KCNH7: variants seen among roughly 807,000 people sequenced by gnomAD.
KCNH7 encodes the protein potassium voltage-gated channel subfamily H member 7.
A neutral mutation model predicts 120.8 loss-of-function variants in KCNH7; 49 were observed. The observed-to-expected ratio is 0.41, with a 90% CI of 0.32 to 0.51. KCNH7 has a LOEUF of 0.51. Among genes scored for constraint, KCNH7 ranks in the 20% least tolerant of loss-of-function variants. The pLI, the probability that KCNH7 is intolerant of heterozygous loss-of-function variation, is 0.38. For missense variants in KCNH7, 1,097 were observed against 1,446.6 expected (o/e 0.76, Z 3.92); for synonymous variants, 547 against 516.1 (o/e 1.06, Z -0.81).
intron 2 of KCNH7, among the ~76,000 whole-genome samples, chr2:162,754,545 CAGG>C (rs1206136592): frequency 2.0e-5 from 3 of 152,018 alleles, no homozygotes; most frequent in African/African-American, 7.2e-5. Context: ...ATCCAGGTAG[CAGG>C]TAAAAAACCA....
At chr2:162,510,913 A>T (rs1177772678) in intron 5 of KCNH7, among the ~76,000 whole-genome samples, 1 of 151,680 alleles carries the variant, frequency 6.6e-6, no homozygotes, top group Non-Finnish European at 1.5e-5. Flanking sequence ...ATTTACATTA[A>T]ATTTAATTAA....
intron 2 of KCNH7, among the ~76,000 whole-genome samples, chr2:162,562,542 T>C (rs1487546095): frequency 1.3e-5 from 2 of 152,140 alleles, no homozygotes; most frequent in African/African-American, 4.8e-5. Flanking sequence ...TAGATATTCT[T>C]GCTGTTGACC....
At chr2:162,821,494 C>T (rs2105593389) in intron 2 of KCNH7, among the ~76,000 whole-genome samples, 1 of 152,276 alleles carries the variant, frequency 6.6e-6, no homozygotes, top group African/African-American at 2.4e-5. Context: ...CATTTTTAAA[C>T]TCACTGGTTT....
intron 2 of KCNH7, among the ~76,000 whole-genome samples, chr2:162,791,459 T>C (rs1683942090): frequency 6.6e-6 from 1 of 152,164 alleles, no homozygotes; most frequent in South Asian, 2.1e-4. Flanking sequence ...TCTGATTTCT[T>C]TGAGCAGTGT....
intron 5 of KCNH7, among the ~76,000 whole-genome samples, chr2:162,505,461 T>C (rs1690840188): frequency 6.6e-6 from 1 of 151,944 alleles, no homozygotes; most frequent in South Asian, 2.1e-4. Flanking sequence ...CTGGGGTTGA[T>C]AGTACCTAGT....
chr2:162,525,615 C>T (rs1425744825), intron 3 of KCNH7, among the ~76,000 whole-genome samples: 1 of 151,942 alleles, frequency 6.6e-6, no homozygotes, highest in Non-Finnish European at 1.5e-5. Context: ...CCCATACTTT[C>T]TTTTTGATAG....
At chr2:162,744,365 T>A (rs1688238127) in intron 2 of KCNH7, among the ~76,000 whole-genome samples, 1 of 152,190 alleles carries the variant, frequency 6.6e-6, no homozygotes, top group East Asian at 1.9e-4. Context: ...ATAAAACCTT[T>A]TAAGATTAAG....
At chr2:162,449,664 T>A (rs1215373119) in intron 6 of KCNH7, among the ~76,000 whole-genome samples, 3 of 151,942 alleles carry the variant, frequency 2.0e-5, no homozygotes, top group African/African-American at 7.3e-5. Flanking sequence ...ATGCTGTGGA[T>A]TGTCCACAGC....
rs1689131499 is a variant in KCNH7, at chr2:162,461,078, A to G, written c.1129-14635T>C. 2.0e-5 allele frequency among the ~76,000 whole-genome samples: 3 copies of G among 152,158 alleles called. No individual in the cohort carries two copies. The South Asian group carries it at 6.2e-4, about 32-fold the overall frequency. On this transcript the variant is annotated intron_variant, in intron 6 of 15. Transcript: ENST00000332142. ...TATGTAGAACTACCTTTTTTTCTAG[A>G]GCCTAAATGCAGCTTGTTTGGATGG... is the stretch of plus-strand genomic sequence containing the variant.
chr2:162,481,767 T>G lies in KCNH7; in HGVS notation c.1128+22676A>C, dbSNP rs146796811. On this transcript the variant is annotated intron_variant, in intron 6 of 15. Coordinates refer to ENST00000332142, the MANE Select transcript of KCNH7 (RefSeq NM_033272.4). ...AGACATCATAACCTTCTCTTATGAATGCTGAGAATGTACTGCATGCATTAA... is the reference window on the plus strand; with the variant it reads ...AGACATCATAACCTTCTCTTATGAAGGCTGAGAATGTACTGCATGCATTAA... Among the ~76,000 whole-genome samples, 539 of 152,336 alleles carry G rather than the reference T, an allele frequency of 3.5e-3. 3 individuals carry two copies. The highest frequency in any genetic ancestry group is 0.02 in the South Asian group (97 of 4,828).
intron 2 of KCNH7, among the ~76,000 whole-genome samples, chr2:162,731,644 C>T (rs1376211314): frequency 2.0e-5 from 3 of 151,382 alleles, no homozygotes; most frequent in Admixed American, 6.6e-5. Context: ...ATGAAATGTC[C>T]ATGAAAATAT....
intron 8 of KCNH7, among the ~76,000 whole-genome samples, chr2:162,431,084 T>A (rs969237068): frequency 6.6e-6 from 1 of 152,078 alleles, no homozygotes; most frequent in Non-Finnish European, 1.5e-5. Flanking sequence ...ATAGCAGCTT[T>A]TAAAAATGCA....
At chr2:162,517,479 G>A (rs1331170893) in intron 4 of KCNH7, among the ~76,000 whole-genome samples, 2 of 151,730 alleles carry the variant, frequency 1.3e-5, no homozygotes, top group Admixed American at 6.6e-5. Context: ...CACTCCATGT[G>A]GTAGGCAGAT....
At chr2:162,660,272 T>A (rs1253534343) in intron 2 of KCNH7, among the ~76,000 whole-genome samples, 2 of 152,160 alleles carry the variant, frequency 1.3e-5, no homozygotes, top group African/African-American at 4.8e-5. Flanking sequence ...GCTACACATT[T>A]CCCTCTAAGT....
intron 9 of KCNH7, among the ~76,000 whole-genome samples, chr2:162,401,523 C>A (rs1037808951): frequency 2.6e-5 from 4 of 151,778 alleles, no homozygotes; most frequent in African/African-American, 9.7e-5. Flanking sequence ...GTTTGTAAGG[C>A]AATTTCAATG....
At chr2:162,628,522 C>T (rs913753101) in intron 2 of KCNH7, among the ~76,000 whole-genome samples, 1 of 152,022 alleles carries the variant, frequency 6.6e-6, no homozygotes, top group Non-Finnish European at 1.5e-5. Context: ...GTTTGTAGTA[C>T]AGACTATTTC....
intron 6 of KCNH7, among the ~76,000 whole-genome samples, chr2:162,473,954 C>A (rs1000173122): frequency 6.6e-6 from 1 of 152,168 alleles, no homozygotes; most frequent in African/African-American, 2.4e-5. Flanking sequence ...AAAATTGACT[C>A]TACTGTAGTT....
At chr2:162,503,321 A>T (rs1690753946) in intron 6 of KCNH7, among the ~76,000 whole-genome samples, 1 of 152,078 alleles carries the variant, frequency 6.6e-6, no homozygotes, top group Non-Finnish European at 1.5e-5. Flanking sequence ...AGCTATCAAA[A>T]TGATGTCAAT....
chr2:162,800,799 C>CTT (rs1684313015), intron 2 of KCNH7, among the ~76,000 whole-genome samples: 2 of 151,906 alleles, frequency 1.3e-5, no homozygotes. Context: ...CTTTGACACC[C>CTT]TTATGATGTT....
Sources: allele counts gnomAD v4.1 joint callset (sites outside exome capture counted in the v4.1 genomes callset), GRCh38; gene constraint gnomAD v4.1.1; transcripts MANE v1.5; gene names NCBI Gene and HGNC (gene_info 2026-07-23, HGNC 2026-07-21).